Variants in CARD14 observed in about 807,000 individuals in gnomAD.
The protein encoded by CARD14 is caspase recruitment domain-containing protein 14.
A neutral mutation model predicts 111.5 loss-of-function variants in CARD14; 107 were observed. That is an observed-to-expected ratio of 0.96 (90% CI 0.82 to 1.13). The LOEUF (loss-of-function observed/expected upper bound fraction) is 1.13. Ranked by LOEUF, CARD14 falls within the 50% of genes most tolerant of loss-of-function variation. The pLI is 0.00. For missense variants in CARD14, 1,322 were observed against 1,362.3 expected (o/e 0.97, Z 0.47); for synonymous variants, 617 against 579.6 (o/e 1.06, Z -0.93).
chr17:80,201,644 G>A lies in CARD14; in HGVS notation c.1852-100G>A. The A allele has an allele frequency of 1.6e-6, 2 of 1,287,970 alleles. No individual in the cohort carries two copies. Among genetic ancestry groups the A allele is most frequent in the Non-Finnish European group, 1.1e-6 (1 of 891,344 alleles). The allele number at this position is 1,287,970 out of a possible 1,614,324, so 79.8% of individuals were successfully genotyped here. A position where few individuals can be genotyped will look rare whatever the true frequency, so the allele number is the denominator to read the frequency against. ...GTGCAGGCAGTGGTCCTACGGCAGG[G>A]CTGGCCCGCGCCTCGCCTCAGTGCC... On this transcript the variant is annotated intron_variant, in intron 16 of 23. Coordinates refer to ENST00000648509, the MANE Select transcript of CARD14 (RefSeq NM_001366385.1). The surrounding 1 kb of genome is among the most constrained non-coding windows in gnomAD (Gnocchi z 5.0).
At chr17:80,194,044 C>T (rs573104198) in intron 12 of CARD14, among the ~76,000 whole-genome samples, 23 of 152,230 alleles carry the variant, frequency 1.5e-4, no homozygotes, top group Non-Finnish European at 2.4e-4. Context: ...CCTCCTGCCC[C>T]GGCTTTCTAA....
rs756015168 is a variant in CARD14 at position 80,192,554 on chromosome 17, C to T, written c.1291C>T (p.Leu431=). 6.2e-7 allele frequency: 1 copy of T among 1,613,640 alleles called. No homozygotes were observed. The highest frequency in any genetic ancestry group is 1.1e-5 in the South Asian group (1 of 91,072). Residue 431 remains leucine (L), a synonymous_variant, in exon 12 of 24, where the codon CTG becomes TTG. Transcript: ENST00000648509. Reference sequence around the variant, plus strand: ...GCCCTGTCCACGGGAGAAGCAGCGGCTGGTGCGGATGCATGCCATCTGCCC... The same window carrying T: ...GCCCTGTCCACGGGAGAAGCAGCGGTTGGTGCGGATGCATGCCATCTGCCC... ...REPCPREKQR[L]VRMHAICPRD...
rs778064710 is a variant in CARD14 at position 80,205,192 on chromosome 17, G to T, written c.2556G>T (p.Lys852Asn). The change falls in exon 21 of 24, where the codon AAG (lysine) becomes AAT (asparagine). Residue 852 changes from lysine (K) to asparagine (N), a missense_variant. By Grantham distance (94) the Lys-to-Asn change is moderately conservative. Transcript: ENST00000648509. ...AACTGTGCCTCCTCCAAGGGTTTAAGAAGTGCCTGGCAGGTATGCTGTTGC... is the reference window on the plus strand; with the variant it reads ...AACTGTGCCTCCTCCAAGGGTTTAATAAGTGCCTGGCAGGTATGCTGTTGC... ...SEKLCLLQGF[K>N]KCLAEYLSQE... 6.2e-7 allele frequency: 1 copy of T among 1,612,904 alleles called. No individual in the cohort carries two copies. The highest frequency in any genetic ancestry group is 1.1e-5 in the South Asian group (1 of 90,962).
intron 19 of CARD14, 69 bp from the exon 20 acceptor site, chr17:80,204,158 C>T: frequency 1.4e-6 from 2 of 1,457,740 alleles, no homozygotes; most frequent in Non-Finnish European, 1.9e-6. Flanking sequence ...CCAATCATCT[C>T]CCCTGAATTC....
chr17:80,189,694 T>C lies in CARD14; in HGVS notation c.844-59T>C. ...TGCCGCCATCTTCTCGGGATTCTGC[T>C]TGCCTAGGGCAGGCCTCTGGGGAAG... On this transcript the variant is annotated intron_variant, in intron 8 of 23. Coordinates refer to ENST00000648509, the MANE Select transcript of CARD14 (RefSeq NM_001366385.1). This position sits in a 1 kb window ranked among gnomAD's most constrained non-coding sequence, Gnocchi z 4.7. 1 of 1,458,318 alleles carries C rather than the reference T, an allele frequency of 6.9e-7. No homozygotes were observed. The allele number at this position is 1,458,318 out of a possible 1,614,324, so 90.3% of individuals were successfully genotyped here.
chr17:80,204,173 T>TC, intron 19 of CARD14, 54 bp from the exon 20 acceptor site: 1 of 1,507,274 alleles, frequency 6.6e-7, no homozygotes, highest in Non-Finnish European at 9.0e-7. Flanking sequence ...GAATTCCCAT[T>TC]CCTGTTGATG....
chr17:80,188,585 TG>T lies in CARD14; in HGVS notation c.843+46del. 1 of 1,419,100 alleles carries T rather than the reference TG, an allele frequency of 7.0e-7. No individual in the cohort carries two copies. The highest frequency in any genetic ancestry group is 9.2e-7 in the Non-Finnish European group (1 of 1,081,618). The allele number at this position is 1,419,100 out of a possible 1,614,324, so 87.9% of individuals were successfully genotyped here. ...CGCAGCAGAGAGCGGCCTCCTGCCTTGGGGGCTTGGCCCTCAGGCTGTGGGG... is the reference window on the plus strand; with the variant it reads ...CGCAGCAGAGAGCGGCCTCCTGCCTTGGGGCTTGGCCCTCAGGCTGTGGGG... On this transcript the variant is annotated intron_variant, in intron 8 of 23. Coordinates refer to ENST00000648509, the MANE Select transcript of CARD14 (RefSeq NM_001366385.1). This position sits in a 1 kb window ranked among gnomAD's most constrained non-coding sequence, Gnocchi z 4.5.
chr17:80,199,724 CAAAAAAA>C (rs553403089), intron 16 of CARD14, among the ~76,000 whole-genome samples: 1 of 116,684 alleles, frequency 8.6e-6, no homozygotes, highest in Non-Finnish European at 1.9e-5. Context: ...ACTAAAAATA[CAAAAAAA>C]AAAAAAAAAT....
intron 2 of CARD14, among the ~76,000 whole-genome samples, chr17:80,174,921 C>A (rs1294799389): frequency 6.6e-6 from 1 of 152,134 alleles, no homozygotes; most frequent in African/African-American, 2.4e-5. Context: ...CCCCCAGTGC[C>A]CCTTGGCAGC....
intron 1 of CARD14, among the ~76,000 whole-genome samples, chr17:80,171,430 T>G (rs1019176894): frequency 1.1e-4 from 16 of 150,156 alleles, no homozygotes; most frequent in Admixed American, 3.3e-4. Context: ...GCAATCCTCC[T>G]GCCTTGGCCT....
At chr17:80,175,952 GTTTTTTTTTTTTTTTTTTTTTTTTTT>G (rs531556673) in intron 2 of CARD14, among the ~76,000 whole-genome samples, 12 of 53,550 alleles carry the variant, frequency 2.2e-4, no homozygotes, top group Admixed American at 6.0e-4. Flanking sequence ...CTCTCGGATC[GTTTTTTTTTTTTTTTTTTTTTTTTTT>G]TTTTTTTTTT....
intron 6 of CARD14, 122 bp from the exon 7 acceptor site, chr17:80,183,791 C>G (rs183779811): frequency 9.3e-6 from 7 of 752,794 alleles, no homozygotes; most frequent in African/African-American, 9.0e-5. Flanking sequence ...CACATGCTCA[C>G]CCGCCCACAT....
At chr17:80,185,038 C>T (rs2040300144) in intron 7 of CARD14, among the ~76,000 whole-genome samples, 1 of 152,004 alleles carries the variant, frequency 6.6e-6, no homozygotes, top group Non-Finnish European at 1.5e-5. Context: ...TTGCTTTTTA[C>T]CTTTATTATT....
In CARD14 at chr17:80,208,619, G is replaced by A. The variant is rs7211656; in HGVS notation, c.*274G>A. The A allele has an allele frequency of 0.54, 215,175 of 400,906 alleles. 59,807 individuals are homozygous for A. The highest frequency in any genetic ancestry group is 0.65 in the East Asian group (16,571 of 25,306). 24.8% of individuals were successfully genotyped at this position (400,906 alleles called of 1,614,324 possible). A position where few individuals can be genotyped will look rare whatever the true frequency, so the allele number is the denominator to read the frequency against. On this transcript the variant is annotated 3_prime_UTR_variant, in exon 24 of 24. Transcript: ENST00000648509. ...GAAACCCTGAGAATGTTTCTGCAGT[G>A]GGACAGGAGGGACGTCTTCCCATGC...
In CARD14 at chr17:80,204,236, G is replaced by A; in HGVS notation, c.2293G>A (p.Gly765Arg). The A allele has an allele frequency of 6.3e-7, 1 of 1,589,806 alleles. No homozygotes were observed. Among genetic ancestry groups the A allele is most frequent in the Non-Finnish European group, 8.6e-7 (1 of 1,161,564 alleles). The change falls in exon 20 of 24, where the codon GGG becomes AGG. Residue 765 changes from glycine to arginine, a missense_variant. Transcript: ENST00000648509. ...QCTVTRKPSS[G>R]GPQKLVRIVS... ...TCTGTCCCTCCTTTAGCCATCTTCT[G>A]GGGGACCACAGAAGCTGGTCCGCAT... is the stretch of plus-strand genomic sequence containing the variant.
In CARD14 at chr17:80,184,147, A is replaced by T. The variant is rs773672850; in HGVS notation, c.584A>T (p.Lys195Met). The stretch of plus-strand genomic sequence containing the variant: ...CACTTCCATGAGGTGCTGAGGCTGA[A>T]GGACGAGATGCTCAGCCTCTCGCTG... ...SAHFHEVLRL[K>M]DEMLSLSLHY... The change falls in exon 7 of 24, where the codon AAG becomes ATG. Residue 195 changes from lysine (K) to methionine (M), a missense_variant. Coordinates refer to ENST00000648509, the MANE Select transcript of CARD14 (RefSeq NM_001366385.1). The T allele has an allele frequency of 1.9e-6, 3 of 1,567,014 alleles. No individual in the cohort carries two copies. The highest frequency in any genetic ancestry group is 2.6e-6 in the Non-Finnish European group (3 of 1,156,140).
At chr17:80,204,156 C>T in intron 19 of CARD14, 71 bp from the exon 20 acceptor site, 1 of 1,449,064 alleles carries the variant, frequency 6.9e-7, no homozygotes, top group South Asian at 1.4e-5. Flanking sequence ...TGCCAATCAT[C>T]TCCCCTGAAT....
In CARD14 at chr17:80,208,498, C is replaced by T; in HGVS notation, c.*153C>T. ...GCTGGGGTCTAACCTTGAACCCTCA[C>T]CACGTGCAGGTCACACACAGTGAAG... On this transcript the variant is annotated 3_prime_UTR_variant, in exon 24 of 24. Transcript: ENST00000648509. The T allele has an allele frequency of 4.7e-6, 3 of 643,584 alleles. No homozygotes were observed. Among genetic ancestry groups the T allele is most frequent in the Non-Finnish European group, 2.6e-6 (1 of 386,764 alleles). The allele number at this position is 643,584 out of a possible 1,614,324, so 39.9% of individuals were successfully genotyped here.
intron 2 of CARD14, among the ~76,000 whole-genome samples, chr17:80,175,007 A>G (rs1330706108): frequency 6.7e-6 from 1 of 150,254 alleles, no homozygotes; most frequent in Non-Finnish European, 1.5e-5. Flanking sequence ...ACAGGGTCTC[A>G]GTCTGTCATC....
Sources: allele counts gnomAD v4.1 joint callset (sites outside exome capture counted in the v4.1 genomes callset), GRCh38; gene constraint gnomAD v4.1.1; non-coding constraint Gnocchi (gnomAD v3.1); transcripts MANE v1.5; gene names NCBI Gene and HGNC (gene_info 2026-07-23, HGNC 2026-07-21).